SYMPK: variants seen among roughly 807,000 people sequenced by gnomAD.
The protein encoded by SYMPK is symplekin scaffold protein.
A neutral mutation model predicts 136.4 loss-of-function variants in SYMPK; 49 were observed. The ratio of observed to expected loss-of-function variants is 0.36; its 90% CI spans 0.29 to 0.46. The LOEUF (loss-of-function observed/expected upper bound fraction) is 0.46. SYMPK is among the 20% of genes least tolerant of loss of function. SYMPK has a pLI of 1.00. For synonymous variants in SYMPK, 766 were observed against 713.0 expected (o/e 1.07, Z -1.19); for missense variants, 1,365 against 1,690.0 (o/e 0.81, Z 3.37).
intron 23 of SYMPK, 84 bp downstream of exon 23, chr19:45,817,875 G>A (rs192037391): frequency 2.6e-5 from 36 of 1,387,558 alleles, no homozygotes; most frequent in Admixed American, 2.1e-4. Flanking sequence ...GGCTCCCTCC[G>A]GGGTCAGACG....
chr19:45,827,812 T>G (rs754206228), intron 15 of SYMPK, 25 bp downstream of exon 15: 1 of 1,611,036 alleles, frequency 6.2e-7, no homozygotes, highest in Non-Finnish European at 8.5e-7. Context: ...TGCCCCGGGC[T>G]GCACTGACCA....
chr19:45,855,445 G>A (rs1349172813), intron 1 of SYMPK: 1 of 152,104 alleles, frequency 6.6e-6, no homozygotes. Context: ...AGCAACTCAA[G>A]TGTTCTCAAA....
intron 11 of SYMPK, 28 bp from the exon 12 acceptor site, chr19:45,831,616 C>G: frequency 6.5e-7 from 1 of 1,541,162 alleles, no homozygotes. Context: ...AACAGACACC[C>G]AGTGCGTCAG....
chr19:45,854,190 G>C lies in SYMPK; in HGVS notation c.156C>G (p.Ile52Met), dbSNP rs1442587643. The C allele has an allele frequency of 3.1e-6, 5 of 1,614,174 alleles. No homozygotes were observed. Among genetic ancestry groups the C allele is most frequent in the African/African-American group, 1.3e-5 (1 of 75,046 alleles). Reference sequence around the variant, plus strand: ...GGGCCCTCACCTGTTTGAGCACTGTGATCTTTGAGTCATTGGTGATCAGCG... The same window carrying C: ...GGGCCCTCACCTGTTTGAGCACTGTCATCTTTGAGTCATTGGTGATCAGCG... ...QAALITNDSK[I>M]TVLKQVQELI... Residue 52 changes from isoleucine (I) to methionine (M), a missense_variant, in exon 3 of 27, where the codon ATC (isoleucine) becomes ATG (methionine). Physicochemically the swap from Ile to Met is conservative, Grantham distance 10. This residue lies in a region of SYMPK where 61 missense variants were observed against 80.7 expected (regional missense o/e 0.76). Transcript: ENST00000245934.
At chr19:45,846,053 A>G (rs6509237) in intron 7 of SYMPK, among the ~76,000 whole-genome samples, 113,017 of 151,810 alleles carry the variant, frequency 0.74, 42,983 homozygotes, top group African/African-American at 0.91. Context: ...TGGCTAACAC[A>G]GTGAAACCCT....
chr19:45,816,285 A>G, intron 25 of SYMPK, 102 bp from the exon 26 acceptor site: 2 of 1,128,112 alleles, frequency 1.8e-6, no homozygotes. Context: ...GTTCTTCACC[A>G]AGAGCATGGG....
intron 5 of SYMPK, among the ~76,000 whole-genome samples, chr19:45,851,578 A>AC (rs1568625096): frequency 1.0e-5 from 1 of 98,316 alleles, no homozygotes; most frequent in East Asian, 2.8e-4. Flanking sequence ...ACTCAGTCTC[A>AC]AAAAAAAAAA....
At chr19:45,827,660 C>G in intron 15 of SYMPK, 37 bp from the exon 16 acceptor site, 1 of 1,575,434 alleles carries the variant, frequency 6.3e-7, no homozygotes, top group Non-Finnish European at 8.7e-7. Context: ...CTCAGCCCAC[C>G]TGAGTGTGCC....
In SYMPK at chr19:45,854,461, C is replaced by T. The variant is rs1360733051; in HGVS notation, c.35G>A (p.Arg12Gln). 8.1e-6 allele frequency: 13 copies of T among 1,614,066 alleles called. No individual in the cohort carries two copies. Among genetic ancestry groups the T allele is most frequent in the East Asian group, 2.2e-5 (1 of 44,882 alleles). The change falls in exon 2 of 27, where the codon CGG (arginine) becomes CAG (glutamine). Residue 12 changes from arginine (R) to glutamine (Q), a missense_variant. Arg to Gln is a conservative substitution (Grantham distance 43, BLOSUM62 1). Around this residue, in one of 11 missense-constraint regions of SYMPK, gnomAD observed 61 missense variants for 80.7 expected, o/e 0.76. Coordinates refer to ENST00000245934, the MANE Select transcript of SYMPK (RefSeq NM_004819.3). Reference protein sequence around the residue: ...ASGSGDSVTRRSVASQFFTQE... With the variant: ...ASGSGDSVTRQSVASQFFTQE... ...AGTGAAAAACTGTGATGCCACGCTC[C>T]GACGGGTGACGCTGTCTCCACTGCC...
At chr19:45,822,705 A>G (rs1195774985) in intron 21 of SYMPK, 51 bp downstream of exon 21, 4 of 1,546,178 alleles carry the variant, frequency 2.6e-6, no homozygotes, top group Non-Finnish European at 3.6e-6. Context: ...CTTCTGCCCC[A>G]GCACCTGGGG....
chr19:45,837,166 C>G (rs1437279270), intron 10 of SYMPK, among the ~76,000 whole-genome samples: 2 of 152,068 alleles, frequency 1.3e-5, no homozygotes, highest in Non-Finnish European at 2.9e-5. Context: ...TGAAAACAAG[C>G]AAATATTTTG....
intron 1 of SYMPK, among the ~76,000 whole-genome samples, chr19:45,857,061 T>C (rs1216242283): frequency 1.3e-5 from 2 of 151,782 alleles, no homozygotes; most frequent in Non-Finnish European, 2.9e-5. Flanking sequence ...GAGGCTGCAG[T>C]GAGCTGAGAT....
At chr19:45,850,671 A>T (rs1971677625) in intron 5 of SYMPK, among the ~76,000 whole-genome samples, 1 of 152,056 alleles carries the variant, frequency 6.6e-6, no homozygotes, top group Non-Finnish European at 1.5e-5. Context: ...GTTATGTTCA[A>T]CTCATTCACG....
intron 1 of SYMPK, 43 bp from the exon 2 acceptor site, chr19:45,854,550 C>CTG: frequency 1.9e-6 from 3 of 1,541,706 alleles, no homozygotes; most frequent in Non-Finnish European, 2.7e-6. Flanking sequence ...CTCAGGGAAC[C>CTG]AGCGGATGGG....
In SYMPK at chr19:45,825,222, A is replaced by C. The variant is rs746827185; in HGVS notation, c.2439T>G (p.Thr813=). 29 of 1,614,032 alleles carry C rather than the reference A, an allele frequency of 1.8e-5. No homozygotes were observed. Among genetic ancestry groups the C allele is most frequent in the Middle Eastern group, 3.3e-4 (2 of 6,082 alleles). The change falls in exon 18 of 27, where the codon ACT becomes ACG. Residue 813 remains threonine, a synonymous_variant. Transcript: ENST00000245934. Reference sequence around the variant, plus strand: ...TCCGCTTGATGTCGGCGATGGCTTCAGTGTACACGGCCGCCAGTTCGTGGA... The same window carrying C: ...TCCGCTTGATGTCGGCGATGGCTTCCGTGTACACGGCCGCCAGTTCGTGGA... ...KLIHELAAVY[T]EAIADIKRTV...
At chr19:45,859,261 T>C (rs118062054) in intron 1 of SYMPK, among the ~76,000 whole-genome samples, 424 of 151,638 alleles carry the variant, frequency 2.8e-3, no homozygotes, top group Middle Eastern at 6.8e-3. Context: ...GTTCTACTTT[T>C]TCCCCCTTTC....
At chr19:45,820,822 G>C (rs778024940) in intron 22 of SYMPK, 5 of 381,308 alleles carry the variant, frequency 1.3e-5, no homozygotes, top group Admixed American at 4.3e-5. Context: ...TCTACACAAT[G>C]GAAGTGAACA....
Position 45,815,995 on chromosome 19 carries a change from G to T in SYMPK, c.3543C>A (p.Gly1181=), listed in dbSNP as rs754127501. 3.7e-5 allele frequency: 60 copies of T among 1,604,036 alleles called. No homozygotes were observed. In the East Asian group the frequency reaches 1.3e-3, roughly 34 times the overall value. ...CCATGGCTTCCTCAGACGGGGGCGGGCCTGGCCGGGCCGACGGAGAGGGAG... is the reference window on the plus strand; with the variant it reads ...CCATGGCTTCCTCAGACGGGGGCGGTCCTGGCCGGGCCGACGGAGAGGGAG... ...SPSPSPSARP[G]PPPSEEAMDF... is the part of the protein sequence containing the mutation. The change falls in exon 26 of 27, where the codon GGC becomes GGA. Residue 1181 remains glycine (G), a synonymous_variant. Coordinates refer to ENST00000245934, the MANE Select transcript of SYMPK (RefSeq NM_004819.3).
rs549605387 is a variant in SYMPK at position 45,849,635 on chromosome 19, T to TG, written c.300-760_300-759insC. 3.0e-4 allele frequency among the ~76,000 whole-genome samples: 45 copies of TG among 152,352 alleles called. 1 individual carries two copies. In the South Asian group the frequency reaches 9.1e-3, roughly 31 times the overall value. ...ACATGGATGCCTGGTACGACAGCAG[T>TG]CACATGGTATGTATTTGCTGAATGG... is the stretch of plus-strand genomic sequence containing the variant. On this transcript the variant is annotated intron_variant, in intron 5 of 26. Coordinates refer to ENST00000245934, the MANE Select transcript of SYMPK (RefSeq NM_004819.3).
Sources: allele counts gnomAD v4.1 joint callset (sites outside exome capture counted in the v4.1 genomes callset), GRCh38; gene constraint gnomAD v4.1.1; regional missense constraint gnomAD v4.1.1; transcripts MANE v1.5; gene names NCBI Gene and HGNC (gene_info 2026-07-23, HGNC 2026-07-21).